The following UBE2E2 variants were observed in gnomAD, a reference collection of about 807,000 sequenced individuals.
UBE2E2 encodes ubiquitin conjugating enzyme E2 E2.
In UBE2E2, 6 loss-of-function variants were observed where a neutral mutation model predicts 24.7. The ratio of observed to expected loss-of-function variants is 0.24; its 90% confidence interval spans 0.13 to 0.48. The LOEUF (loss-of-function observed/expected upper bound fraction) is 0.48. Ranked by LOEUF, UBE2E2 falls within the 20% of genes least tolerant of loss-of-function variation. The pLI is 0.99. For missense variants in UBE2E2, 169 were observed against 245.0 expected (o/e 0.69, Z 2.07); for synonymous variants, 104 against 83.6 (o/e 1.24, Z -1.33).
At chr3:23,463,842 A>G (rs890604290) in intron 3 of UBE2E2, among the ~76,000 whole-genome samples, 5 of 152,198 alleles carry the variant, frequency 3.3e-5, no homozygotes, top group South Asian at 4.1e-4. Context: ...ATTTACTGTA[A>G]TATAGCATGG....
chr3:23,225,150 G>A (rs1696783639), intron 3 of UBE2E2, among the ~76,000 whole-genome samples: 1 of 151,420 alleles, frequency 6.6e-6, no homozygotes, highest in African/African-American at 2.4e-5. Context: ...TCGTTTTATT[G>A]TTGAATTGTA....
intron 3 of UBE2E2, among the ~76,000 whole-genome samples, chr3:23,473,540 G>A (rs1195156540): frequency 6.6e-6 from 1 of 151,698 alleles, no homozygotes; most frequent in Admixed American, 6.6e-5. Flanking sequence ...CACTTGAGCA[G>A]TATACACTGA....
At chr3:23,268,885 G>C (rs1381276479) in intron 3 of UBE2E2, among the ~76,000 whole-genome samples, 1 of 151,874 alleles carries the variant, frequency 6.6e-6, no homozygotes, top group African/African-American at 2.4e-5. Context: ...ACAGAGCCCT[G>C]AGAAATAACG....
intron 3 of UBE2E2, among the ~76,000 whole-genome samples, chr3:23,363,514 A>G (rs1048742465): frequency 2.5e-4 from 38 of 152,360 alleles, no homozygotes; most frequent in African/African-American, 9.1e-4. Flanking sequence ...TTCTGACAAA[A>G]TAGACGTTAA....
chr3:23,528,398 A>G (rs1695048178), intron 4 of UBE2E2, among the ~76,000 whole-genome samples: 5 of 152,192 alleles, frequency 3.3e-5, no homozygotes, highest in Admixed American at 3.3e-4. Flanking sequence ...TAGGGAGTTT[A>G]TCTAGAGAGA....
intron 5 of UBE2E2, among the ~76,000 whole-genome samples, chr3:23,579,990 T>A (rs1696439432): frequency 6.6e-6 from 1 of 152,140 alleles, no homozygotes; most frequent in South Asian, 2.1e-4. Context: ...AGAATTAGAG[T>A]AGTACCTGTA....
chr3:23,278,305 A>G (rs1456313963), intron 3 of UBE2E2, among the ~76,000 whole-genome samples: 1 of 152,184 alleles, frequency 6.6e-6, no homozygotes, highest in Non-Finnish European at 1.5e-5. Context: ...ATCTCTGACT[A>G]GTTTACTTAA....
At chr3:23,501,584 A>G (rs1398546691) in intron 4 of UBE2E2, among the ~76,000 whole-genome samples, 1 of 152,182 alleles carries the variant, frequency 6.6e-6, no homozygotes, top group Non-Finnish European at 1.5e-5. Context: ...ACTGGTAAAA[A>G]TAGGGCGTGG....
intron 3 of UBE2E2, among the ~76,000 whole-genome samples, chr3:23,317,657 A>T (rs933022858): frequency 1.3e-5 from 2 of 152,066 alleles, no homozygotes; most frequent in Non-Finnish European, 2.9e-5. Flanking sequence ...TTGTGCAGGG[A>T]AACTCCTCAT....
At chr3:23,311,164 A>G (rs1036380738) in intron 3 of UBE2E2, among the ~76,000 whole-genome samples, 4 of 152,120 alleles carry the variant, frequency 2.6e-5, no homozygotes, top group East Asian at 3.9e-4. Flanking sequence ...AGCTTCATCT[A>G]TGTCCCTGCA....
chr3:23,311,935 A>G (rs1057086673), intron 3 of UBE2E2, among the ~76,000 whole-genome samples: 1 of 152,100 alleles, frequency 6.6e-6, no homozygotes, highest in Non-Finnish European at 1.5e-5. Context: ...GTTGAATTGT[A>G]ATCGCCAGTG....
At chr3:23,324,350 T>G (rs1317644645) in intron 3 of UBE2E2, among the ~76,000 whole-genome samples, 1 of 152,138 alleles carries the variant, frequency 6.6e-6, no homozygotes, top group African/African-American at 2.4e-5. Context: ...CTAGCTAAAC[T>G]CTTGCCTATC....
At chr3:23,242,704 C>T (rs1258042363) in intron 3 of UBE2E2, among the ~76,000 whole-genome samples, 1 of 152,058 alleles carries the variant, frequency 6.6e-6, no homozygotes, top group Non-Finnish European at 1.5e-5. Context: ...TAATTATTGC[C>T]ATTAAGGTGG....
At chr3:23,472,402 C>G (rs1283156583) in intron 3 of UBE2E2, among the ~76,000 whole-genome samples, 2 of 152,084 alleles carry the variant, frequency 1.3e-5, no homozygotes, top group African/African-American at 2.4e-5. Context: ...AGATACAGGA[C>G]CATGTGACTG....
chr3:23,513,464 A>G (rs898248300), intron 4 of UBE2E2, among the ~76,000 whole-genome samples: 1 of 152,128 alleles, frequency 6.6e-6, no homozygotes, highest in Non-Finnish European at 1.5e-5. Context: ...TGTGATTGAC[A>G]TACAGGGATT....
At chr3:23,368,430 C>G (rs950685623) in intron 3 of UBE2E2, among the ~76,000 whole-genome samples, 3 of 152,134 alleles carry the variant, frequency 2.0e-5, no homozygotes, top group Non-Finnish European at 2.9e-5. Flanking sequence ...GAGTGTCTTA[C>G]AAGTTAAAAA....
rs74679941 is a variant in UBE2E2 at position 23,216,037 on chromosome 3, T to C, written c.177-1225T>C. 2.0e-4 allele frequency among the ~76,000 whole-genome samples: 30 copies of C among 152,286 alleles called. No homozygotes were observed. In the East Asian group the frequency reaches 4.6e-3, roughly 23 times the overall value. On this transcript the variant is annotated intron_variant, in intron 2 of 5. Coordinates refer to ENST00000396703, the MANE Select transcript of UBE2E2 (RefSeq NM_152653.4). ...GAGTTTGTTCTAGTTAACTTCTATT[T>C]TACAGGACGGAAAACTGAGGCACAG...
At chr3:23,349,265 A>G (rs1233434691) in intron 3 of UBE2E2, among the ~76,000 whole-genome samples, 1 of 152,228 alleles carries the variant, frequency 6.6e-6, no homozygotes, top group Non-Finnish European at 1.5e-5. Context: ...AAAATGGCCG[A>G]ATAGGAACAG....
chr3:23,331,717 G>C (rs1467603366), intron 3 of UBE2E2, among the ~76,000 whole-genome samples: 1 of 152,110 alleles, frequency 6.6e-6, no homozygotes, highest in Admixed American at 6.6e-5. Context: ...TGGAAAGAGT[G>C]GGAGGAGATG....
Sources: allele counts gnomAD v4.1 joint callset (sites outside exome capture counted in the v4.1 genomes callset), GRCh38; gene constraint gnomAD v4.1.1; transcripts MANE v1.5; gene names NCBI Gene and HGNC (gene_info 2026-07-23, HGNC 2026-07-21).